Variants in AOPEP observed in about 807,000 individuals in gnomAD.
AOPEP encodes aminopeptidase O (putative), also known as aminopeptidase O.
Under a neutral mutation model 98.1 loss-of-function variants are expected in AOPEP, and 77 were observed. The observed-to-expected ratio is 0.78, with a 90% confidence interval of 0.65 to 0.95. The LOEUF is 0.95. Among genes scored for constraint, AOPEP ranks in the 40% least tolerant of loss-of-function variants. The pLI is 0.00. For missense variants in AOPEP, 1,024 were observed against 1,024.7 expected, an observed-to-expected ratio of 1.00 and a Z score of 0.01; for synonymous variants, 346 against 365.3, an observed-to-expected ratio of 0.95 and a Z score of 0.60.
At chr9:95,079,780 C>G (rs1002443617) in intron 14 of AOPEP, among the ~76,000 whole-genome samples, 1 of 152,178 alleles carries the variant, frequency 6.6e-6, no homozygotes, top group Non-Finnish European at 1.5e-5. Context: ...TAAAGTGTAT[C>G]TTTTAAAAGA....
chr9:95,061,014 C>A (rs1324037804), intron 14 of AOPEP: 1 of 474,450 alleles, frequency 2.1e-6, no homozygotes, highest in Admixed American at 3.6e-5. Context: ...TAAGTTTTTC[C>A]CTCTTCTTAA....
intron 14 of AOPEP, among the ~76,000 whole-genome samples, chr9:95,073,171 C>T (rs2068673367): frequency 6.6e-6 from 1 of 152,186 alleles, no homozygotes; most frequent in South Asian, 2.1e-4. Context: ...AGTCTCTGAC[C>T]TGGCCCAGGC....
intron 12 of AOPEP, 56 bp from the exon 13 acceptor site, chr9:95,005,486 G>C: frequency 1.3e-6 from 2 of 1,499,204 alleles, no homozygotes; most frequent in South Asian, 1.1e-5. Context: ...CGCGCTGGGG[G>C]ATGGCCGTCA....
intron 13 of AOPEP, chr9:95,006,267 T>C (rs1020442046): frequency 1.2e-5 from 4 of 343,646 alleles, no homozygotes; most frequent in African/African-American, 6.4e-5. Flanking sequence ...TAAAAGTGAA[T>C]AATTTTTTGA....
chr9:95,145,255 TGGA>T, the AOPEP span: 7 of 152,334 alleles, frequency 4.6e-5, no homozygotes, highest in African/African-American at 4.8e-5. Flanking sequence ...TATTTGAAGA[TGGA>T]GGAGAAGATC....
At chr9:95,005,308 C>A in intron 12 of AOPEP, 88 bp downstream of exon 12, 1 of 792,766 alleles carries the variant, frequency 1.3e-6, no homozygotes, top group Non-Finnish European at 1.6e-6. Flanking sequence ...CGCTGCGGCG[C>A]GCGGGTGCGG....
the AOPEP span, among the ~76,000 whole-genome samples, chr9:95,129,153 AC>A: frequency 2.6e-5 from 4 of 151,950 alleles, no homozygotes; most frequent in Admixed American, 6.6e-5. Context: ...AAAAAAGAAA[AC>A]CAGTCTCCCT....
At chr9:95,108,344 G>C in the AOPEP span, among the ~76,000 whole-genome samples, 1 of 152,242 alleles carries the variant, frequency 6.6e-6, no homozygotes, top group African/African-American at 2.4e-5. Context: ...AGCCTGCCGG[G>C]TCTGATGGTG....
chr9:95,142,177 G>C, the AOPEP span, among the ~76,000 whole-genome samples: 129 of 152,060 alleles, frequency 8.5e-4, no homozygotes, highest in East Asian at 9.3e-3. Context: ...ATTTTTAGTA[G>C]AGATGGGATT....
intron 13 of AOPEP, among the ~76,000 whole-genome samples, chr9:95,018,097 G>T (rs2133106204): frequency 6.6e-6 from 1 of 152,308 alleles, no homozygotes. Flanking sequence ...GTGGACACTG[G>T]TATAACTGTC....
chr9:94,909,473 CTTTG>C (rs967369013), intron 5 of AOPEP, among the ~76,000 whole-genome samples: 4 of 149,788 alleles, frequency 2.7e-5, no homozygotes, highest in South Asian at 2.2e-4. Context: ...GTTTTCTTTT[CTTTG>C]TTTGTTGTTA....
At chr9:94,747,816 A>G (rs1834865613) in intron 1 of AOPEP, among the ~76,000 whole-genome samples, 1 of 152,222 alleles carries the variant, frequency 6.6e-6, no homozygotes, top group Non-Finnish European at 1.5e-5. Context: ...ACATTTGAGG[A>G]AAAAACTGGT....
At chr9:94,728,286 A>G (rs1018542555) in intron 1 of AOPEP, among the ~76,000 whole-genome samples, 3 of 146,430 alleles carry the variant, frequency 2.0e-5, no homozygotes, top group African/African-American at 7.5e-5. Context: ...CCTTATTTTT[A>G]AGAATGAGAT....
At chr9:94,926,490 A>T (rs2054343496) in intron 6 of AOPEP, among the ~76,000 whole-genome samples, 1 of 152,218 alleles carries the variant, frequency 6.6e-6, no homozygotes. Flanking sequence ...CCCTGAGGCA[A>T]AATTGCCATT....
At chr9:95,001,966 CAG>C (rs745876444) in intron 11 of AOPEP, among the ~76,000 whole-genome samples, 12 of 148,560 alleles carry the variant, frequency 8.1e-5, no homozygotes, top group African/African-American at 2.5e-4. Flanking sequence ...TTTGTAGAGA[CAG>C]GGGTCTTGCT....
intron 1 of AOPEP, among the ~76,000 whole-genome samples, chr9:94,732,044 C>T (rs1056932808): frequency 3.3e-5 from 5 of 152,092 alleles, no homozygotes; most frequent in Admixed American, 6.5e-5. Context: ...CTTGGCCTCC[C>T]AAAGTGCTAG....
At chr9:94,737,060 G>C (rs1454988333) in intron 1 of AOPEP, among the ~76,000 whole-genome samples, 1 of 152,112 alleles carries the variant, frequency 6.6e-6, no homozygotes, top group Non-Finnish European at 1.5e-5. Context: ...GAAAGGATAT[G>C]TCAACAGGCT....
chr9:94,975,602 A>G (rs2059793869), intron 10 of AOPEP, among the ~76,000 whole-genome samples: 1 of 152,204 alleles, frequency 6.6e-6, no homozygotes, highest in South Asian at 2.1e-4. Context: ...AGTGTCTCCC[A>G]ACCCTGCAGC....
At chr9:94,914,218 C>A (rs1008101877) in intron 5 of AOPEP, among the ~76,000 whole-genome samples, 3 of 152,064 alleles carry the variant, frequency 2.0e-5, no homozygotes, top group African/African-American at 7.2e-5. Flanking sequence ...AGGAAAAAAA[C>A]CACACACATG....
Sources: allele counts gnomAD v4.1 joint callset (sites outside exome capture counted in the v4.1 genomes callset), GRCh38; gene constraint gnomAD v4.1.1; transcripts MANE v1.5; gene names NCBI Gene and HGNC (gene_info 2026-07-23, HGNC 2026-07-21).